The following TMEM272 variants were observed in gnomAD, a reference collection of about 807,000 sequenced individuals.
The protein encoded by TMEM272 is transmembrane protein 272.
In TMEM272, 8 loss-of-function variants were observed where a neutral mutation model predicts 3.7. That is an observed-to-expected ratio of 2.17 (90% confidence interval 1.27 to 3.91). The LOEUF is 3.91. TMEM272 is among the 30% of genes most tolerant of loss of function. TMEM272 has a pLI of 0.00. For missense variants in TMEM272, 166 were observed against 91.5 expected (o/e 1.81, Z -3.32); for synonymous variants, 63 against 39.8 (o/e 1.58, Z -2.20).
At position 51,813,361 on chromosome 13, in the gene TMEM272, G is replaced by A. The variant is rs1593586691; in HGVS notation, c.*3390C>T. 3 of 398,420 alleles carry A rather than the reference G, an allele frequency of 7.5e-6. No homozygotes were observed. The highest frequency in any genetic ancestry group is 1.3e-5 in the Non-Finnish European group (3 of 225,974). 24.7% of individuals were successfully genotyped at this position (398,420 alleles called of 1,614,324 possible). ...GACACTGGGGAACAAATTGAACAAA[G>A]TTTATTTCATCAACAATGAAAAATG... On this transcript the variant is annotated 3_prime_UTR_variant, in exon 5 of 5. Transcript: ENST00000629372.
chr13:51,816,500 G>C lies in TMEM272; in HGVS notation c.*251C>G, dbSNP rs1051597695. The C allele has an allele frequency of 9.7e-6, 4 of 412,966 alleles. No homozygotes were observed. The highest frequency in any genetic ancestry group is 7.8e-5 in the African/African-American group (4 of 50,974). The allele number at this position is 412,966 out of a possible 1,614,324, so 25.6% of individuals were successfully genotyped here. A position where few individuals can be genotyped will look rare whatever the true frequency, so the allele number is the denominator to read the frequency against. On this transcript the variant is annotated 3_prime_UTR_variant, in exon 5 of 5. Transcript: ENST00000629372. The stretch of plus-strand genomic sequence containing the variant: ...ATTATCCCTTTGAAAACTCTTGTGA[G>C]AACAAAATTCCCACTCTGAAAAGAG...
the TMEM272 span, among the ~76,000 whole-genome samples, chr13:51,900,806 A>C: frequency 6.6e-6 from 1 of 152,272 alleles, no homozygotes; most frequent in Non-Finnish European, 1.5e-5. Flanking sequence ...TATTACTGAT[A>C]CATGCTACAA....
At chr13:51,900,789 A>G in the TMEM272 span, among the ~76,000 whole-genome samples, 1 of 152,232 alleles carries the variant, frequency 6.6e-6, no homozygotes, top group Non-Finnish European at 1.5e-5. Flanking sequence ...AATAAAAATG[A>G]ATGATGTATT....
chr13:51,827,924 C>T (rs1472606638), intron 2 of TMEM272, among the ~76,000 whole-genome samples: 2 of 152,218 alleles, frequency 1.3e-5, no homozygotes, highest in East Asian at 3.8e-4. Context: ...AGCTTTCTCG[C>T]TCTGCTGACA....
the TMEM272 span, among the ~76,000 whole-genome samples, chr13:51,927,888 C>G: frequency 3.3e-5 from 5 of 152,168 alleles, no homozygotes; most frequent in African/African-American, 1.2e-4. Flanking sequence ...CCTTCACAAG[C>G]CACGGAGGCA....
At chr13:51,851,919 A>C in the TMEM272 span, among the ~76,000 whole-genome samples, 4 of 152,262 alleles carry the variant, frequency 2.6e-5, no homozygotes, top group Non-Finnish European at 4.4e-5. Context: ...AGTTACTTCC[A>C]ATCTTTTGGA....
the TMEM272 span, among the ~76,000 whole-genome samples, chr13:51,932,073 C>T: frequency 2.6e-5 from 4 of 152,138 alleles, no homozygotes; most frequent in Admixed American, 1.3e-4. Context: ...TGGATAGTCC[C>T]GGTTTAGGCC....
the TMEM272 span, among the ~76,000 whole-genome samples, chr13:51,877,501 A>G: frequency 8.4e-3 from 1,285 of 152,304 alleles, 24 homozygotes; most frequent in African/African-American, 0.03. Context: ...CTTGTTTTAA[A>G]ATTTGCTTCA....
At chr13:51,897,362 AT>A in the TMEM272 span, among the ~76,000 whole-genome samples, 437 of 82,160 alleles carry the variant, frequency 5.3e-3, no homozygotes, top group African/African-American at 0.015. Flanking sequence ...TGTCTGGCTA[AT>A]TTTTTTTTTT....
At chr13:51,826,470 C>G (rs1268036367) in intron 3 of TMEM272, 96 bp downstream of exon 3, 1 of 679,490 alleles carries the variant, frequency 1.5e-6, no homozygotes, top group Non-Finnish European at 2.7e-6. Flanking sequence ...GCCAGTTCTT[C>G]TTAAACACAT....
chr13:51,888,959 C>A, the TMEM272 span, among the ~76,000 whole-genome samples: 1 of 152,036 alleles, frequency 6.6e-6, no homozygotes, highest in African/African-American at 2.4e-5. Context: ...CTAATTAATT[C>A]TTTTTAATGG....
chr13:51,879,715 A>G, the TMEM272 span, among the ~76,000 whole-genome samples: 146,537 of 152,286 alleles, frequency 0.96, 70,520 homozygotes, highest in East Asian at 1. Flanking sequence ...TTTGTGCCAG[A>G]CACCAAGCAT....
At chr13:51,922,829 G>A in the TMEM272 span, among the ~76,000 whole-genome samples, 13 of 152,204 alleles carry the variant, frequency 8.5e-5, no homozygotes, top group Admixed American at 3.9e-4. Flanking sequence ...ATCTCCAATC[G>A]CATCCCTCCA....
chr13:51,860,746 T>C, the TMEM272 span, among the ~76,000 whole-genome samples: 1 of 114,260 alleles, frequency 8.8e-6, no homozygotes, highest in African/African-American at 3.4e-5. Flanking sequence ...TGTGTATATA[T>C]ATATATACAC....
chr13:51,859,553 C>CACACACACACACACACACACA, the TMEM272 span, among the ~76,000 whole-genome samples: 1 of 150,296 alleles, frequency 6.7e-6, no homozygotes, highest in African/African-American at 2.4e-5. Flanking sequence ...CACACAGACA[C>CACACACACACACACACACACA]CCCCTCAGCA....
At chr13:51,870,253 T>G in the TMEM272 span, among the ~76,000 whole-genome samples, 2 of 151,456 alleles carry the variant, frequency 1.3e-5, no homozygotes, top group African/African-American at 4.9e-5. Context: ...AGTTCTTTGG[T>G]TTTTTTTGTG....
At chr13:51,916,943 G>A in the TMEM272 span, among the ~76,000 whole-genome samples, 109 of 152,166 alleles carry the variant, frequency 7.2e-4, 2 homozygotes, top group Non-Finnish European at 1.3e-4. Flanking sequence ...GTGATCACCT[G>A]AGGTGATCCA....
intron 4 of TMEM272, among the ~76,000 whole-genome samples, chr13:51,820,407 T>C (rs564987608): frequency 2.0e-5 from 3 of 152,232 alleles, no homozygotes; most frequent in Non-Finnish European, 1.5e-5. Context: ...CTAATGGTTA[T>C]GGACTCACTG....
chr13:51,824,966 A>G (rs536889531), intron 3 of TMEM272, among the ~76,000 whole-genome samples: 4 of 152,278 alleles, frequency 2.6e-5, no homozygotes, highest in Admixed American at 1.3e-4. Context: ...AGAAAGCAAA[A>G]AGAAAGGTAA....
Sources: gnomAD v4.1 joint callset for allele counts (sites outside exome capture counted in the v4.1 genomes callset) on GRCh38, gnomAD v4.1.1 for gene constraint, MANE v1.5 for transcripts, NCBI Gene and HGNC (gene_info 2026-07-23, HGNC 2026-07-21) for gene names.